The following TAFA4 variants were observed in gnomAD, a reference collection of about 807,000 sequenced individuals.
TAFA4 encodes the protein chemokine-like protein TAFA-4.
Under a neutral mutation model 21.1 loss-of-function variants are expected in TAFA4, and 20 were observed. That is an observed-to-expected ratio of 0.95 (90% confidence interval 0.67 to 1.38). The LOEUF (loss-of-function observed/expected upper bound fraction) is 1.38. Ranked by LOEUF, TAFA4 falls within the 40% of genes most tolerant of loss-of-function variation. TAFA4 has a pLI of 0.00. For missense variants in TAFA4, 211 were observed against 180.9 expected (o/e 1.17, Z -0.95); for synonymous variants, 71 against 67.4 (o/e 1.05, Z -0.26).
intron 3 of TAFA4, among the ~76,000 whole-genome samples, chr3:68,862,288 T>G (rs888931614): frequency 2.6e-5 from 4 of 152,152 alleles, no homozygotes; most frequent in African/African-American, 9.6e-5. Flanking sequence ...ACACATATTG[T>G]AAGTGCATAA....
At chr3:68,783,503 G>T (rs1703186461) in intron 3 of TAFA4, among the ~76,000 whole-genome samples, 1 of 152,030 alleles carries the variant, frequency 6.6e-6, no homozygotes, top group African/African-American at 2.4e-5. Context: ...ACAAGAAAAA[G>T]ATATTTGTAA....
At chr3:68,759,415 A>G (rs1404076525) in intron 3 of TAFA4, among the ~76,000 whole-genome samples, 3 of 152,214 alleles carry the variant, frequency 2.0e-5, no homozygotes, top group Non-Finnish European at 4.4e-5. Flanking sequence ...GACATACAGT[A>G]TTGTAGGATG....
At chr3:68,826,581 A>C (rs2106871477) in intron 3 of TAFA4, among the ~76,000 whole-genome samples, 1 of 152,244 alleles carries the variant, frequency 6.6e-6, no homozygotes, top group African/African-American at 2.4e-5. Flanking sequence ...TCAAAAAAAA[A>C]AAAAAAAAAG....
At chr3:68,862,825 C>G (rs2089363882) in intron 3 of TAFA4, among the ~76,000 whole-genome samples, 1 of 150,618 alleles carries the variant, frequency 6.6e-6, no homozygotes, top group South Asian at 2.1e-4. Flanking sequence ...ACATCATGGC[C>G]TCATTCAGCC....
chr3:68,824,353 C>T (rs1406858456), intron 3 of TAFA4, among the ~76,000 whole-genome samples: 1 of 152,160 alleles, frequency 6.6e-6, no homozygotes, highest in African/African-American at 2.4e-5. Flanking sequence ...TATTTCTTCG[C>T]CTTTCCCAGC....
intron 3 of TAFA4, among the ~76,000 whole-genome samples, chr3:68,794,699 T>A (rs1318235262): frequency 6.6e-6 from 1 of 152,174 alleles, no homozygotes; most frequent in Non-Finnish European, 1.5e-5. Context: ...CAAGAAGACA[T>A]CTCTGTCGAT....
At position 68,731,904 on chromosome 3, in the gene TAFA4, T is replaced by G. The variant is rs200766506; in HGVS notation, c.*1238A>C. On this transcript the variant is annotated 3_prime_UTR_variant, in exon 6 of 6. Coordinates refer to ENST00000295569, the MANE Select transcript of TAFA4 (RefSeq NM_182522.5). ...AATAACTGTTAGGCTATAAACAACA[T>G]TAAAGTATTTATTTTCCCCCTATAA... 6 of 29,128 alleles carry G rather than the reference T, an allele frequency of 2.1e-4. No homozygotes were observed. The South Asian group carries it at 0.025, about 121-fold the overall frequency. The allele number at this position is 29,128 out of a possible 1,614,324, so 1.8% of individuals were successfully genotyped here. A position where few individuals can be genotyped will look rare whatever the true frequency, so the allele number is the denominator to read the frequency against.
intron 1 of TAFA4, among the ~76,000 whole-genome samples, chr3:68,920,220 A>G (rs1047923976): frequency 6.6e-6 from 1 of 152,228 alleles, no homozygotes; most frequent in African/African-American, 2.4e-5. Flanking sequence ...TCTCCAAGAC[A>G]CCAGTAAGCA....
intron 5 of TAFA4, among the ~76,000 whole-genome samples, chr3:68,735,185 T>C (rs1702216097): frequency 1.1e-5 from 1 of 87,836 alleles, no homozygotes; most frequent in Admixed American, 1.1e-4. Context: ...ACAAGTGGAA[T>C]TTTAGAAGGG....
At chr3:68,798,986 T>G (rs1703512929) in intron 3 of TAFA4, among the ~76,000 whole-genome samples, 1 of 152,218 alleles carries the variant, frequency 6.6e-6, no homozygotes, top group African/African-American at 2.4e-5. Context: ...TAGTCCTGGT[T>G]TGTTTTATGT....
chr3:68,742,588 G>A (rs1702378222), intron 4 of TAFA4, among the ~76,000 whole-genome samples: 1 of 152,122 alleles, frequency 6.6e-6, no homozygotes, highest in Admixed American at 6.5e-5. Context: ...AGGGCAGGGA[G>A]GTGAGGGATA....
At chr3:68,900,570 T>A (rs1406280641) in intron 1 of TAFA4, among the ~76,000 whole-genome samples, 1 of 152,008 alleles carries the variant, frequency 6.6e-6, no homozygotes, top group Non-Finnish European at 1.5e-5. Flanking sequence ...AATCCCAAAT[T>A]TTAGTCTTTT....
At chr3:68,745,351 T>C (rs1025578685) in intron 4 of TAFA4, among the ~76,000 whole-genome samples, 7 of 152,170 alleles carry the variant, frequency 4.6e-5, no homozygotes, top group African/African-American at 1.7e-4. Flanking sequence ...GGCATAGATA[T>C]TTTTTTCCTG....
At position 68,752,940 on chromosome 3, in the gene TAFA4, C is replaced by T. The variant is rs761271480; in HGVS notation, c.209G>A (p.Arg70Gln). Residue 70 changes from arginine (R) to glutamine (Q), a missense_variant, in exon 4 of 6, where the codon CGG becomes CAG. Transcript: ENST00000295569. ...GCAAGAGCACTTGACCGTTTGTGAC[C>T]GCTCTTCTATGCGGTTCTTATTGCA... ...RCCNKNRIEE[R>Q]SQTVKCSCFP... is the part of the protein sequence containing the mutation. 28 of 1,613,944 alleles carry T rather than the reference C, an allele frequency of 1.7e-5. No homozygotes were observed. The highest frequency in any genetic ancestry group is 5.0e-5 in the Admixed American group (3 of 59,990).
intron 3 of TAFA4, among the ~76,000 whole-genome samples, chr3:68,809,324 T>A (rs1288190706): frequency 2.0e-5 from 3 of 152,198 alleles, no homozygotes; most frequent in Non-Finnish European, 4.4e-5. Context: ...TTAAATTTGG[T>A]TTACCAGTGC....
intron 1 of TAFA4, among the ~76,000 whole-genome samples, chr3:68,893,425 T>C (rs2106969299): frequency 6.6e-6 from 1 of 152,302 alleles, no homozygotes; most frequent in Non-Finnish European, 1.5e-5. Flanking sequence ...TAGTATAATA[T>C]CTTGCATACC....
chr3:68,850,511 A>G (rs1375478745), intron 3 of TAFA4, among the ~76,000 whole-genome samples: 1 of 152,112 alleles, frequency 6.6e-6, no homozygotes, highest in African/African-American at 2.4e-5. Context: ...ACTCCCACCA[A>G]CAGTGTAAAA....
chr3:68,757,074 A>C (rs779352827), intron 3 of TAFA4, among the ~76,000 whole-genome samples: 1 of 152,166 alleles, frequency 6.6e-6, no homozygotes, highest in Non-Finnish European at 1.5e-5. Context: ...TCATTGTCTC[A>C]GTCTGCTTGG....
chr3:68,786,728 C>G (rs187368395), intron 3 of TAFA4, among the ~76,000 whole-genome samples: 1 of 152,144 alleles, frequency 6.6e-6, no homozygotes, highest in African/African-American at 2.4e-5. Context: ...GATTTGTAAG[C>G]TTTATATGGG....
Sources: allele counts gnomAD v4.1 joint callset (sites outside exome capture counted in the v4.1 genomes callset), GRCh38; gene constraint gnomAD v4.1.1; transcripts MANE v1.5; gene names NCBI Gene and HGNC (gene_info 2026-07-23, HGNC 2026-07-21).